NBAS: variants seen among roughly 807,000 people sequenced by gnomAD.
The protein encoded by NBAS is NBAS subunit of NRZ tethering complex.
Under a neutral mutation model 302.5 loss-of-function variants are expected in NBAS, and 219 were observed. The observed-to-expected ratio is 0.72, with a 90% CI of 0.65 to 0.81. The LOEUF (loss-of-function observed/expected upper bound fraction) is 0.81, where lower values mean the gene tolerates loss of function less well. Ranked by LOEUF, NBAS falls within the 30% of genes least tolerant of loss-of-function variation. The pLI is 0.00. For missense variants in NBAS, 2,932 were observed against 2,841.6 expected, an observed-to-expected ratio of 1.03 and a Z score of -0.72; for synonymous variants, 1,118 against 1,021.6, an observed-to-expected ratio of 1.09 and a Z score of -1.80.
intron 47 of NBAS, among the ~76,000 whole-genome samples, chr2:15,220,932 T>G (rs1378692052): frequency 6.6e-6 from 1 of 152,244 alleles, no homozygotes; most frequent in Non-Finnish European, 1.5e-5. Context: ...TATTATTTAA[T>G]ATACTTGTCA....
chr2:15,475,813 T>C lies in NBAS; in HGVS notation c.1215A>G (p.Arg405=), dbSNP rs546116983. 180 of 1,614,108 alleles carry C rather than the reference T, an allele frequency of 1.1e-4. 1 individual carries two copies. In the South Asian group the frequency reaches 1.9e-3, roughly 17 times the overall value. ...WWADSAVTLA[R]CSGALTVSSV... is the part of the protein sequence containing the mutation. ...ATGAAACAGTTAAAGCACCAGAGCA[T>C]CGAGCTAAAGTCACTGCACTGTCTG... The change falls in exon 14 of 52, where the codon CGA becomes CGG. Residue 405 remains arginine, a synonymous_variant. Transcript: ENST00000281513.
intron 48 of NBAS, among the ~76,000 whole-genome samples, chr2:15,202,973 T>G: frequency 6.6e-6 from 1 of 152,158 alleles, no homozygotes; most frequent in East Asian, 1.9e-4. Flanking sequence ...AGACTCAGAT[T>G]TGAATATTGG....
the NBAS span, among the ~76,000 whole-genome samples, chr2:14,946,786 A>G: frequency 6.6e-6 from 1 of 152,204 alleles, no homozygotes; most frequent in Non-Finnish European, 1.5e-5. Context: ...TAGTCCACAA[A>G]ACAAGTCGGA....
the NBAS span, among the ~76,000 whole-genome samples, chr2:14,941,293 G>C: frequency 2.0e-5 from 3 of 152,304 alleles, no homozygotes; most frequent in African/African-American, 7.2e-5. Context: ...TAGGCTTTTG[G>C]AGAAAGACAA....
the NBAS span, among the ~76,000 whole-genome samples, chr2:15,064,544 C>A: frequency 6.6e-6 from 1 of 151,896 alleles, no homozygotes; most frequent in Admixed American, 6.6e-5. Context: ...TCTGGACAGA[C>A]CAATAAAAAT....
At chr2:15,403,130 C>A (rs1197990508) in intron 25 of NBAS, among the ~76,000 whole-genome samples, 1 of 151,694 alleles carries the variant, frequency 6.6e-6, no homozygotes, top group African/African-American at 2.4e-5. Context: ...TAAAATAAAT[C>A]TAAGATAATT....
At chr2:15,498,629 T>G (rs1348557965) in intron 11 of NBAS, among the ~76,000 whole-genome samples, 1 of 152,066 alleles carries the variant, frequency 6.6e-6, no homozygotes, top group Non-Finnish European at 1.5e-5. Flanking sequence ...CATGTCAAAT[T>G]GGAGGGGCCT....
chr2:14,791,253 A>C, the NBAS span, among the ~76,000 whole-genome samples: 1 of 151,708 alleles, frequency 6.6e-6, no homozygotes, highest in Non-Finnish European at 1.5e-5. Flanking sequence ...AGCCTTCCAA[A>C]GTGCTGGGAT....
the NBAS span, among the ~76,000 whole-genome samples, chr2:14,847,509 CAA>C: frequency 2.5e-5 from 3 of 118,594 alleles, no homozygotes; most frequent in African/African-American, 5.8e-5. Context: ...ACATAGATTT[CAA>C]AAAAAAAAAA....
chr2:14,873,298 G>C, the NBAS span, among the ~76,000 whole-genome samples: 1 of 152,120 alleles, frequency 6.6e-6, no homozygotes, highest in Non-Finnish European at 1.5e-5. Flanking sequence ...AGTTCTCCAA[G>C]TCCCCACCCG....
chr2:14,791,096 C>A, the NBAS span, among the ~76,000 whole-genome samples: 3 of 152,096 alleles, frequency 2.0e-5, no homozygotes, highest in Admixed American at 6.5e-5. Flanking sequence ...CTTAGGTGAT[C>A]CACCCGCCTT....
At chr2:15,477,072 T>C (rs776102928) in intron 13 of NBAS, among the ~76,000 whole-genome samples, 17 of 152,104 alleles carry the variant, frequency 1.1e-4, no homozygotes, top group Non-Finnish European at 2.2e-4. Context: ...TATCACTAAG[T>C]GTAAAGTAGA....
the NBAS span, among the ~76,000 whole-genome samples, chr2:14,806,939 C>T: frequency 2.0e-5 from 3 of 152,152 alleles, no homozygotes; most frequent in African/African-American, 4.8e-5. Context: ...ACATGTTCTA[C>T]TCAGTTCATT....
intron 41 of NBAS, among the ~76,000 whole-genome samples, chr2:15,289,971 T>A (rs1261024142): frequency 6.7e-6 from 1 of 149,674 alleles, no homozygotes; most frequent in African/African-American, 2.5e-5. Context: ...CCCTCCAGCC[T>A]GGCGCCAGAG....
intron 48 of NBAS, among the ~76,000 whole-genome samples, chr2:15,206,017 G>C (rs537596544): frequency 6.6e-6 from 1 of 152,284 alleles, no homozygotes; most frequent in East Asian, 1.9e-4. Context: ...CATTGGAACT[G>C]GGTAATGGGT....
At chr2:14,939,744 C>T in the NBAS span, among the ~76,000 whole-genome samples, 1 of 152,230 alleles carries the variant, frequency 6.6e-6, no homozygotes, top group African/African-American at 2.4e-5. Flanking sequence ...ACTCTGTGAA[C>T]TTTCTTGCAG....
intron 24 of NBAS, among the ~76,000 whole-genome samples, chr2:15,416,226 A>G (rs113073662): frequency 3.2e-4 from 49 of 152,240 alleles, no homozygotes; most frequent in East Asian, 5.8e-4. Context: ...AGGGGCCTCT[A>G]GAAAATAGGG....
intron 44 of NBAS, among the ~76,000 whole-genome samples, chr2:15,259,148 A>T (rs553436944): frequency 6.7e-4 from 102 of 152,290 alleles, no homozygotes; most frequent in East Asian, 1.9e-3. Flanking sequence ...TAGATTTTTT[A>T]AAAAAACCCT....
chr2:14,843,499 A>C, the NBAS span, among the ~76,000 whole-genome samples: 1 of 151,956 alleles, frequency 6.6e-6, no homozygotes, highest in Non-Finnish European at 1.5e-5. Flanking sequence ...GACAAATATG[A>C]GGCTCCACTG....
Sources: gnomAD v4.1 joint callset for allele counts (sites outside exome capture counted in the v4.1 genomes callset) on GRCh38, gnomAD v4.1.1 for gene constraint, MANE v1.5 for transcripts, NCBI Gene and HGNC (gene_info 2026-07-23, HGNC 2026-07-21) for gene names.